CELF2: variants seen among roughly 807,000 people sequenced by gnomAD.
CELF2 encodes CUGBP Elav-like family member 2, also known as CUG triplet repeat RNA-binding protein 2.
In CELF2, 8 loss-of-function variants were observed where a neutral mutation model predicts 62.6. That is an observed-to-expected ratio of 0.13 (90% CI 0.07 to 0.23). The LOEUF is 0.23. Among genes scored for constraint, CELF2 ranks in the 10% least tolerant of loss-of-function variants. The pLI, the probability that CELF2 is intolerant of heterozygous loss-of-function variation, is 1.00. For missense variants in CELF2, 333 were observed against 671.0 expected, an observed-to-expected ratio of 0.50 and a Z score of 5.56; for synonymous variants, 258 against 250.0, an observed-to-expected ratio of 1.03 and a Z score of -0.30.
chr10:10,733,780 A>G, the CELF2 span, among the ~76,000 whole-genome samples: 9 of 152,122 alleles, frequency 5.9e-5, no homozygotes, highest in African/African-American at 1.9e-4. Flanking sequence ...CCCACAATTC[A>G]ATCGTCTCCC....
the CELF2 span, among the ~76,000 whole-genome samples, chr10:10,666,794 G>A: frequency 4.9e-5 from 6 of 122,286 alleles, 1 homozygote; most frequent in African/African-American, 2.0e-4. Context: ...CCCGGGAGGC[G>A]GAGCTTGCAG....
At chr10:10,882,671 A>G (rs1052201614) in intron 1 of CELF2, among the ~76,000 whole-genome samples, 2 of 152,218 alleles carry the variant, frequency 1.3e-5, no homozygotes, top group African/African-American at 4.8e-5. Context: ...AAAATATCAT[A>G]CTTAATGACA....
At chr10:10,805,889 G>T (rs758755305) in intron 1 of CELF2, among the ~76,000 whole-genome samples, 15 of 152,166 alleles carry the variant, frequency 9.9e-5, no homozygotes, top group Admixed American at 3.9e-4. Flanking sequence ...CTCGGTAGTC[G>T]AGGACATCTG....
rs1210765097 is a variant in CELF2 at position 11,156,544 on chromosome 10, T to C, written c.75-8942T>C. 1.3e-5 allele frequency among the ~76,000 whole-genome samples: 2 copies of C among 152,222 alleles called. No individual in the cohort carries two copies. The highest frequency in any genetic ancestry group is 4.8e-5 in the African/African-American group (2 of 41,450). On this transcript the variant is annotated intron_variant, in intron 1 of 12. Coordinates refer to ENST00000633077, the MANE Select transcript of CELF2 (RefSeq NM_001326342.2). The surrounding 1 kb of genome is among the most constrained non-coding windows in gnomAD (Gnocchi z 4.3). ...TCGATAAGGCTTACTTATTTGCCTA[T>C]TTCATGCCCACTCTAGAATATAACT...
At chr10:11,146,403 G>A (rs761899705) in intron 1 of CELF2, among the ~76,000 whole-genome samples, 3 of 152,334 alleles carry the variant, frequency 2.0e-5, no homozygotes, top group Middle Eastern at 3.4e-3. Flanking sequence ...ATAAGATAAT[G>A]TGTAAGCATA....
chr10:10,744,682 C>CT, the CELF2 span, among the ~76,000 whole-genome samples: 72 of 145,386 alleles, frequency 5.0e-4, no homozygotes, highest in East Asian at 1.6e-3. Flanking sequence ...AATGATTCTG[C>CT]TTTTTTTTTT....
At chr10:11,025,316 CATCTT>C (rs2138404210) in intron 1 of CELF2, among the ~76,000 whole-genome samples, 1 of 151,888 alleles carries the variant, frequency 6.6e-6, no homozygotes, top group South Asian at 2.1e-4. Flanking sequence ...ACCCAGATCT[CATCTT>C]GAATTGTAGT....
intron 1 of CELF2, among the ~76,000 whole-genome samples, chr10:11,106,207 T>TTTTATTTATTTA (rs10624331): frequency 0.055 from 7,660 of 140,342 alleles, 241 homozygotes; most frequent in Middle Eastern, 0.076. Flanking sequence ...TTTTACTTTA[T>TTTTATTTATTTA]TTTATTTATT....
At chr10:11,035,566 A>G (rs188086409) in intron 1 of CELF2, among the ~76,000 whole-genome samples, 1 of 152,362 alleles carries the variant, frequency 6.6e-6, no homozygotes, top group East Asian at 1.9e-4. Context: ...AGGAGAGCTC[A>G]GCCAGATTTA....
chr10:11,316,321 C>G lies in CELF2; in HGVS notation c.1096+2063C>G, dbSNP rs2094976783. On this transcript the variant is annotated intron_variant, in intron 10 of 12. Transcript: ENST00000633077. This position sits in a 1 kb window ranked among gnomAD's most constrained non-coding sequence, Gnocchi z 4.4. ...GAACCAAGAAAATATTTAATTAAAC[C>G]CAAAACCAGACACCAATGAAAATAC... is the stretch of plus-strand genomic sequence containing the variant. Among the ~76,000 whole-genome samples the G allele has an allele frequency of 1.3e-5, 2 of 152,132 alleles. No individual in the cohort carries two copies.
chr10:10,553,759 G>C, the CELF2 span, among the ~76,000 whole-genome samples: 1 of 152,152 alleles, frequency 6.6e-6, no homozygotes, highest in Non-Finnish European at 1.5e-5. Context: ...TGCGAGCAGA[G>C]GCCCTACAGC....
intron 2 of CELF2, among the ~76,000 whole-genome samples, chr10:10,944,789 A>C (rs2047469204): frequency 1.3e-5 from 2 of 151,852 alleles, no homozygotes. Flanking sequence ...TTTTATTAGA[A>C]ATGGGGTTTC....
At chr10:10,859,841 A>C (rs1159850261) in intron 1 of CELF2, among the ~76,000 whole-genome samples, 1 of 152,204 alleles carries the variant, frequency 6.6e-6, no homozygotes, top group Non-Finnish European at 1.5e-5. Flanking sequence ...TATCATCAGT[A>C]AAATAATGTT....
At chr10:10,735,420 A>G in the CELF2 span, among the ~76,000 whole-genome samples, 1 of 152,254 alleles carries the variant, frequency 6.6e-6, no homozygotes, top group Non-Finnish European at 1.5e-5. Flanking sequence ...CAGAAGCACA[A>G]CAGCTAAATT....
the CELF2 span, among the ~76,000 whole-genome samples, chr10:10,658,219 G>A: frequency 6.6e-6 from 1 of 152,148 alleles, no homozygotes; most frequent in Non-Finnish European, 1.5e-5. Flanking sequence ...TGGACCACTA[G>A]GATCATTGTG....
At chr10:10,910,699 C>CAAAAAAAAAAAAAAA (rs55954207) in intron 1 of CELF2, among the ~76,000 whole-genome samples, 1 of 92,244 alleles carries the variant, frequency 1.1e-5, no homozygotes, top group Non-Finnish European at 2.1e-5. Flanking sequence ...GACTCTGCCT[C>CAAAAAAAAAAAAAAA]AAAAAAAAAA....
At chr10:11,146,707 G>C (rs1337791865) in intron 1 of CELF2, among the ~76,000 whole-genome samples, 1 of 152,158 alleles carries the variant, frequency 6.6e-6, no homozygotes, top group East Asian at 1.9e-4. Flanking sequence ...CATAATCTAA[G>C]AGGACTTTTC....
chr10:10,465,631 T>C, the CELF2 span, among the ~76,000 whole-genome samples: 2 of 152,122 alleles, frequency 1.3e-5, no homozygotes, highest in Non-Finnish European at 2.9e-5. Context: ...CAAGTCTCAT[T>C]TCTCATCACC....
chr10:11,042,454 T>C (rs2062007725), intron 1 of CELF2, among the ~76,000 whole-genome samples: 1 of 152,226 alleles, frequency 6.6e-6, no homozygotes, highest in Non-Finnish European at 1.5e-5. Context: ...AGACTCACAT[T>C]GATGTTTATT....
Sources: allele counts gnomAD v4.1 joint callset (sites outside exome capture counted in the v4.1 genomes callset), GRCh38; gene constraint gnomAD v4.1.1; non-coding constraint Gnocchi (gnomAD v3.1); transcripts MANE v1.5; gene names NCBI Gene and HGNC (gene_info 2026-07-23, HGNC 2026-07-21).